Variants in JAML observed in about 807,000 individuals in gnomAD.
JAML encodes junction adhesion molecule like.
In JAML, 25 loss-of-function variants were observed where a neutral mutation model predicts 39.3. That is an observed-to-expected ratio of 0.64 (90% confidence interval 0.46 to 0.89). The LOEUF is 0.89. JAML is among the 40% of genes least tolerant of loss of function. The probability of loss-of-function intolerance (pLI) is 0.00; values close to 1 mark genes in which losing one functional copy is unlikely to be tolerated. For synonymous variants in JAML, 162 were observed against 179.2 expected, an observed-to-expected ratio of 0.90 and a Z score of 0.77; for missense variants, 440 against 486.9, an observed-to-expected ratio of 0.90 and a Z score of 0.91.
chr11:118,200,360 AC>A, intron 7 of JAML, 113 bp downstream of exon 7: 1 of 1,270,518 alleles, frequency 7.9e-7, no homozygotes, highest in Non-Finnish European at 1.1e-6. Context: ...ATTTAAAAAT[AC>A]CCCCTTCTGT....
At chr11:118,202,164 T>G (rs1948815482) in intron 6 of JAML, 1 of 152,246 alleles carries the variant, frequency 6.6e-6, no homozygotes, top group Non-Finnish European at 1.5e-5. Context: ...ACACAGACCT[T>G]TAGCAAGCTA....
intron 6 of JAML, 116 bp downstream of exon 6, chr11:118,203,312 G>A (rs1948849167): frequency 1.1e-6 from 1 of 938,272 alleles, no homozygotes; most frequent in African/African-American, 1.6e-5. Flanking sequence ...GTCAGCACCT[G>A]AGAGGGATGC....
intron 8 of JAML, 85 bp from the exon 9 acceptor site, chr11:118,196,906 A>G (rs951657): frequency 0.59 from 680,764 of 1,149,734 alleles, 203,193 homozygotes; most frequent in South Asian, 0.75. Flanking sequence ...CCTATTTGCT[A>G]GGCATCGACC....
intron 9 of JAML, among the ~76,000 whole-genome samples, chr11:118,196,214 G>A (rs1293137896): frequency 1.4e-5 from 2 of 139,930 alleles, no homozygotes; most frequent in Admixed American, 7.2e-5. Context: ...TGTAACCAAC[G>A]CCTTCCAGGT....
intron 9 of JAML, among the ~76,000 whole-genome samples, chr11:118,195,174 C>G (rs1282567439): frequency 6.6e-6 from 1 of 152,172 alleles, no homozygotes; most frequent in Non-Finnish European, 1.5e-5. Context: ...ATCAGCAGGT[C>G]TCCAGGAGCC....
At chr11:118,212,739 C>T (rs1171362358) in intron 2 of JAML, 178 bp from the exon 3 acceptor site, 1 of 1,530,836 alleles carries the variant, frequency 6.5e-7, no homozygotes, top group East Asian at 2.4e-5. Context: ...ACCTATATGG[C>T]TCATCAGAAG....
In JAML at chr11:118,205,891, C is replaced by T. The variant is rs545407046; in HGVS notation, c.525G>A (p.Arg175=). 3.0e-5 allele frequency: 48 copies of T among 1,613,778 alleles called. No homozygotes were observed. Among genetic ancestry groups the T allele is most frequent in the Non-Finnish European group, 3.6e-5 (42 of 1,179,818 alleles). ...VTKVEWIFSG[R]RAKEEIVFRY... ...GTTTCCTCCTTGTTACCTTTGCGCGCCGTCCTGAAAATATCCATTCTACCT... is the reference window on the plus strand; with the variant it reads ...GTTTCCTCCTTGTTACCTTTGCGCGTCGTCCTGAAAATATCCATTCTACCT... The change falls in exon 5 of 10, where the codon CGG becomes CGA. Residue 175 remains arginine (R), a synonymous_variant. Coordinates refer to ENST00000356289, the MANE Select transcript of JAML (RefSeq NM_001098526.2).
chr11:118,200,958 T>C (rs914156970), intron 6 of JAML: 34 of 200,010 alleles, frequency 1.7e-4, no homozygotes, highest in Middle Eastern at 4.1e-3. Context: ...TTAGGGCAAG[T>C]GGTTGTCTTC....
chr11:118,215,880 T>C (rs558026335), intron 1 of JAML, among the ~76,000 whole-genome samples: 13 of 152,184 alleles, frequency 8.5e-5, no homozygotes, highest in Non-Finnish European at 1.6e-4. Flanking sequence ...GGAGTTACAG[T>C]GCAACCAGTC....
intron 9 of JAML, among the ~76,000 whole-genome samples, chr11:118,196,115 G>C (rs946101206): frequency 8.8e-5 from 13 of 147,206 alleles, no homozygotes; most frequent in African/African-American, 3.3e-4. Flanking sequence ...TTACAGGTGT[G>C]AGCCACCATG....
chr11:118,212,055 TAAAG>T (rs1340274642), intron 3 of JAML, among the ~76,000 whole-genome samples: 4 of 152,182 alleles, frequency 2.6e-5, no homozygotes, highest in African/African-American at 7.2e-5. Flanking sequence ...AGGGTAGAGA[TAAAG>T]GAAGGAAACT....
chr11:118,220,251 A>C (rs1949196052), intron 1 of JAML, among the ~76,000 whole-genome samples: 1 of 152,182 alleles, frequency 6.6e-6, no homozygotes, highest in South Asian at 2.1e-4. Context: ...TCATACCTGA[A>C]CCGATTATCC....
At chr11:118,210,286 A>G (rs1949020864) in intron 4 of JAML, among the ~76,000 whole-genome samples, 1 of 152,230 alleles carries the variant, frequency 6.6e-6, no homozygotes, top group Non-Finnish European at 1.5e-5. Context: ...TAAAGTAATA[A>G]TACAATAATT....
chr11:118,196,472 C>G (rs605560), intron 9 of JAML, among the ~76,000 whole-genome samples: 78,694 of 151,686 alleles, frequency 0.52, 20,845 homozygotes, highest in South Asian at 0.74. Flanking sequence ...AAGACGTCCT[C>G]CCTGCCCTCA....
At chr11:118,207,135 A>T (rs1263185857) in intron 4 of JAML, among the ~76,000 whole-genome samples, 1 of 152,258 alleles carries the variant, frequency 6.6e-6, no homozygotes, top group Non-Finnish European at 1.5e-5. Context: ...GCGATAAAAA[A>T]GTTACTCCAA....
At chr11:118,199,693 AT>A (rs34379845) in intron 7 of JAML, among the ~76,000 whole-genome samples, 3,529 of 107,020 alleles carry the variant, frequency 0.033, 53 homozygotes, top group African/African-American at 0.06. Flanking sequence ...TATTATTATT[AT>A]TTTTTTTTTT....
intron 2 of JAML, chr11:118,213,127 C>G: frequency 7.0e-7 from 1 of 1,429,798 alleles, no homozygotes; most frequent in Non-Finnish European, 9.1e-7. Flanking sequence ...TATCCTCTCC[C>G]TGCCTCACCC....
chr11:118,206,474 T>C (rs1214857472), intron 4 of JAML, among the ~76,000 whole-genome samples: 3 of 152,220 alleles, frequency 2.0e-5, no homozygotes, highest in African/African-American at 4.8e-5. Context: ...TGGAAAGTTA[T>C]AGAACTCTCA....
intron 4 of JAML, among the ~76,000 whole-genome samples, chr11:118,209,853 T>TC (rs1482596850): frequency 9.9e-5 from 15 of 151,434 alleles, no homozygotes; most frequent in Non-Finnish European, 2.1e-4. Context: ...TCTTTTTTTT[T>TC]CTTTTCTTTT....
Sources: allele counts gnomAD v4.1 joint callset (sites outside exome capture counted in the v4.1 genomes callset), GRCh38; gene constraint gnomAD v4.1.1; transcripts MANE v1.5; gene names NCBI Gene and HGNC (gene_info 2026-07-23, HGNC 2026-07-21).